Variants in EPB41L4A observed in about 807,000 individuals in gnomAD.
The protein encoded by EPB41L4A is band 4.1-like protein 4A.
In EPB41L4A, 100 loss-of-function variants were observed where a neutral mutation model predicts 108.6. The observed-to-expected ratio is 0.92, with a 90% confidence interval of 0.78 to 1.09. The LOEUF is 1.09. Among genes scored for constraint, EPB41L4A ranks in the 50% least tolerant of loss-of-function variants. The pLI is 0.00. For synonymous variants in EPB41L4A, 319 were observed against 289.0 expected (o/e 1.10, Z -1.05); for missense variants, 1,030 against 842.7 (o/e 1.22, Z -2.75).
intron 1 of EPB41L4A, among the ~76,000 whole-genome samples, chr5:112,377,790 T>C (rs1025552545): frequency 1.2e-4 from 18 of 152,216 alleles, no homozygotes; most frequent in African/African-American, 4.3e-4. Flanking sequence ...CCCAGTACCA[T>C]TACCTTTCCA....
chr5:112,157,522 C>T (rs1759692613), intron 12 of EPB41L4A, among the ~76,000 whole-genome samples: 1 of 152,210 alleles, frequency 6.6e-6, no homozygotes. Flanking sequence ...GAAATCCCTG[C>T]TCCTTTGCTG....
intron 1 of EPB41L4A, among the ~76,000 whole-genome samples, chr5:112,360,497 G>C (rs2150757529): frequency 6.6e-6 from 1 of 152,320 alleles, no homozygotes; most frequent in South Asian, 2.1e-4. Context: ...CTGGTCTCCA[G>C]CTCCTGACCG....
At chr5:112,336,888 G>A (rs781144887) in intron 1 of EPB41L4A, among the ~76,000 whole-genome samples, 1 of 152,154 alleles carries the variant, frequency 6.6e-6, no homozygotes, top group Non-Finnish European at 1.5e-5. Context: ...GATCTCTCAA[G>A]AGCAAAAGCA....
chr5:112,416,835 T>A lies in EPB41L4A; in HGVS notation c.99+2106A>T, dbSNP rs112362703. ...ATGTTTGAATACCTCTACATGCAAG[T>A]TTTTTTATACACACCATTTATAAAT... On this transcript the variant is annotated intron_variant, in intron 1 of 22. Transcript: ENST00000261486. 4.4e-3 allele frequency among the ~76,000 whole-genome samples: 675 copies of A among 152,312 alleles called. 3 individuals are homozygous for A. Among genetic ancestry groups the A allele is most frequent in the African/African-American group, 0.014 (601 of 41,576 alleles).
intron 1 of EPB41L4A, among the ~76,000 whole-genome samples, chr5:112,325,441 A>AT (rs1436528685): frequency 7.4e-6 from 1 of 134,884 alleles, no homozygotes; most frequent in African/African-American, 3.3e-5. Flanking sequence ...ACTCCGTCTC[A>AT]TAAAAAAAAA....
At chr5:112,314,025 G>A (rs540118674) in intron 1 of EPB41L4A, among the ~76,000 whole-genome samples, 38 of 151,742 alleles carry the variant, frequency 2.5e-4, no homozygotes, top group African/African-American at 7.7e-4. Flanking sequence ...CACCATGCCC[G>A]GCTAATTTGT....
chr5:112,330,307 T>C (rs758593620), intron 1 of EPB41L4A, among the ~76,000 whole-genome samples: 11 of 152,098 alleles, frequency 7.2e-5, no homozygotes, highest in Admixed American at 6.5e-5. Context: ...ATTCTTACCA[T>C]AAAATGCTAG....
intron 1 of EPB41L4A, chr5:112,392,681 T>TG (rs1761033928): frequency 6.6e-6 from 1 of 152,096 alleles, no homozygotes; most frequent in African/African-American, 2.4e-5. Context: ...GACAGATCAA[T>TG]GAGACAGAAG....
At chr5:112,381,856 C>T (rs1760197847) in intron 1 of EPB41L4A, among the ~76,000 whole-genome samples, 1 of 152,194 alleles carries the variant, frequency 6.6e-6, no homozygotes, top group South Asian at 2.1e-4. Flanking sequence ...CCACCAATTC[C>T]ACACTGAGGA....
At chr5:112,192,247 A>G (rs1190674774) in intron 17 of EPB41L4A, 1 of 152,332 alleles carries the variant, frequency 6.6e-6, no homozygotes, top group Non-Finnish European at 1.5e-5. Context: ...GACAGACAGC[A>G]CAATGAGTTT....
chr5:112,190,776 G>T lies in EPB41L4A; in HGVS notation c.1502+3792C>A, dbSNP rs114317571. Among the ~76,000 whole-genome samples the T allele has an allele frequency of 7.0e-3, 1,065 of 152,274 alleles. 15 individuals carry two copies. The highest frequency in any genetic ancestry group is 0.024 in the African/African-American group (1,010 of 41,546). On this transcript the variant is annotated intron_variant, in intron 17 of 22. Transcript: ENST00000261486. The stretch of plus-strand genomic sequence containing the variant: ...TGAATTGGTTATACAAGTTGCCCAA[G>T]GTCAAGTATCAGCACACAGCAAAAC...
chr5:112,392,626 C>T (rs1761028427), intron 1 of EPB41L4A: 1 of 152,128 alleles, frequency 6.6e-6, no homozygotes, highest in Admixed American at 6.5e-5. Flanking sequence ...CTTAGACTCT[C>T]ACACAATAAT....
chr5:112,195,809 A>G, intron 15 of EPB41L4A, 101 bp from the exon 16 acceptor site: 1 of 1,019,154 alleles, frequency 9.8e-7, no homozygotes, highest in East Asian at 2.5e-5. Flanking sequence ...CATATTTGTC[A>G]TACATTCATT....
At chr5:112,299,883 T>C (rs1754240828) in intron 2 of EPB41L4A, among the ~76,000 whole-genome samples, 1 of 152,222 alleles carries the variant, frequency 6.6e-6, no homozygotes, top group African/African-American at 2.4e-5. Flanking sequence ...TATTTTCCTG[T>C]TGCACAAGGG....
In EPB41L4A at chr5:112,166,476, C is replaced by T. The variant is rs1367792826; in HGVS notation, c.1933-1358G>A. ...ATACCCAGGCCCTCTCCAGAGTCAG[C>T]ATTTTCCCTACATTCCTCACTCTGA... On this transcript the variant is annotated intron_variant, in intron 22 of 22. Coordinates refer to ENST00000261486, the MANE Select transcript of EPB41L4A (RefSeq NM_022140.5). 1.4e-4 allele frequency among the ~76,000 whole-genome samples: 22 copies of T among 152,172 alleles called. 1 individual carries two copies. The highest frequency in any genetic ancestry group is 1.4e-3 in the Admixed American group (22 of 15,274).
chr5:112,360,726 G>A (rs1443343200), intron 1 of EPB41L4A, among the ~76,000 whole-genome samples: 3 of 152,114 alleles, frequency 2.0e-5, no homozygotes, highest in Non-Finnish European at 2.9e-5. Context: ...ATCTCTGCCC[G>A]GCTGCCCAGT....
intron 15 of EPB41L4A, 72 bp downstream of exon 15, chr5:112,204,303 T>C: frequency 2.2e-6 from 2 of 925,140 alleles, no homozygotes; most frequent in Admixed American, 1.8e-5. Context: ...AAGAATCACC[T>C]ATTATAAAGT....
chr5:112,373,209 C>T (rs924200134), intron 1 of EPB41L4A, among the ~76,000 whole-genome samples: 13 of 152,172 alleles, frequency 8.5e-5, no homozygotes, highest in Admixed American at 8.5e-4. Flanking sequence ...TGGCCTGGGG[C>T]AAGCCTTATG....
chr5:112,384,873 T>C (rs1296041479), intron 1 of EPB41L4A, among the ~76,000 whole-genome samples: 1 of 152,208 alleles, frequency 6.6e-6, no homozygotes, highest in East Asian at 1.9e-4. Flanking sequence ...ACATAATTTT[T>C]TTCCTAGGCC....
Sources: allele counts gnomAD v4.1 joint callset (sites outside exome capture counted in the v4.1 genomes callset), GRCh38; gene constraint gnomAD v4.1.1; transcripts MANE v1.5; gene names NCBI Gene and HGNC (gene_info 2026-07-23, HGNC 2026-07-21).